The following DCC variants were observed in gnomAD, a reference collection of about 807,000 sequenced individuals.
DCC encodes netrin receptor DCC.
A neutral mutation model predicts 172.5 loss-of-function variants in DCC; 58 were observed. The observed-to-expected ratio is 0.34, with a 90% CI of 0.27 to 0.42. The LOEUF is 0.42. Among genes scored for constraint, DCC ranks in the 10% least tolerant of loss-of-function variants. The pLI is 1.00. For missense variants in DCC, 1,740 were observed against 1,791.0 expected (o/e 0.97, Z 0.51); for synonymous variants, 709 against 644.5 (o/e 1.10, Z -1.52).
chr18:53,108,696 T>C (rs1305378803), intron 7 of DCC, among the ~76,000 whole-genome samples: 1 of 151,750 alleles, frequency 6.6e-6, no homozygotes, highest in Admixed American at 6.6e-5. Context: ...ATGTATATTA[T>C]TTTGTGTCTA....
At chr18:52,897,693 G>T (rs772556483) in intron 2 of DCC, among the ~76,000 whole-genome samples, 1 of 146,296 alleles carries the variant, frequency 6.8e-6, no homozygotes, top group Non-Finnish European at 1.5e-5. Context: ...TTGGTCATGT[G>T]ATTGCTTCTT....
chr18:53,214,947 GA>G lies in DCC; in HGVS notation c.1862-596del, dbSNP rs532021042. On this transcript the variant is annotated intron_variant, in intron 11 of 28. Coordinates refer to ENST00000442544, the MANE Select transcript of DCC (RefSeq NM_005215.4). ...ATACCGTACCTAGAAACTCTACAAAGAAAAATATACTGCTGCTTTGCTAATA... is the reference window on the plus strand; with the variant it reads ...ATACCGTACCTAGAAACTCTACAAAGAAAATATACTGCTGCTTTGCTAATA... Among the ~76,000 whole-genome samples the G allele has an allele frequency of 3.3e-5, 5 of 152,212 alleles. No homozygotes were observed. In the South Asian group the frequency reaches 1.0e-3, roughly 31 times the overall value.
chr18:53,076,475 A>C (rs1449645286), intron 7 of DCC, among the ~76,000 whole-genome samples: 1 of 152,132 alleles, frequency 6.6e-6, no homozygotes, highest in Admixed American at 6.5e-5. Flanking sequence ...CCACCTCTGA[A>C]GGCTTTACTT....
chr18:53,046,129 A>G (rs1279602152), intron 5 of DCC, among the ~76,000 whole-genome samples: 1 of 151,958 alleles, frequency 6.6e-6, no homozygotes, highest in Non-Finnish European at 1.5e-5. Flanking sequence ...ATAGAGTCTC[A>G]AAGCTGGAAT....
intron 1 of DCC, among the ~76,000 whole-genome samples, chr18:52,468,596 A>AAT (rs1988856585): frequency 6.6e-6 from 1 of 152,246 alleles, no homozygotes; most frequent in Non-Finnish European, 1.5e-5. Flanking sequence ...TAATATGTTT[A>AAT]GCAATGTAAA....
chr18:52,948,823 A>ATGT (rs201834215), intron 5 of DCC, among the ~76,000 whole-genome samples: 1 of 152,136 alleles, frequency 6.6e-6, no homozygotes, highest in Non-Finnish European at 1.5e-5. Context: ...CATATGTCAT[A>ATGT]TGTTGTTGTT....
chr18:53,097,807 A>T (rs1278472943), intron 7 of DCC, among the ~76,000 whole-genome samples: 1 of 152,128 alleles, frequency 6.6e-6, no homozygotes, highest in Non-Finnish European at 1.5e-5. Context: ...TTTTGTTTGC[A>T]TACTGAAACA....
intron 7 of DCC, among the ~76,000 whole-genome samples, chr18:53,130,849 G>A (rs2043640692): frequency 6.6e-6 from 1 of 151,934 alleles, no homozygotes; most frequent in Non-Finnish European, 1.5e-5. Context: ...TTCCTGAAAT[G>A]TATTGTTTTT....
At chr18:53,046,996 C>T (rs138260374) in intron 5 of DCC, among the ~76,000 whole-genome samples, 7 of 151,468 alleles carry the variant, frequency 4.6e-5, no homozygotes, top group Admixed American at 2.0e-4. Context: ...AGGTAGAAAA[C>T]ATTCTGTTGT....
intron 5 of DCC, among the ~76,000 whole-genome samples, chr18:53,058,216 T>C (rs1430784178): frequency 6.6e-6 from 1 of 152,166 alleles, no homozygotes; most frequent in African/African-American, 2.4e-5. Context: ...TTAACTATTA[T>C]ATCCTGTTTT....
At chr18:53,113,374 A>G (rs1234219436) in intron 7 of DCC, among the ~76,000 whole-genome samples, 1 of 151,406 alleles carries the variant, frequency 6.6e-6, no homozygotes, top group African/African-American at 2.4e-5. Flanking sequence ...AATGATTGAC[A>G]TGATAATTTA....
chr18:53,028,394 G>C (rs1295743527), intron 5 of DCC, among the ~76,000 whole-genome samples: 3 of 152,074 alleles, frequency 2.0e-5, no homozygotes, highest in Non-Finnish European at 4.4e-5. Flanking sequence ...CAGCTAAACA[G>C]ACTTGCCTCT....
At chr18:52,708,432 ACT>A (rs2036244536) in intron 1 of DCC, among the ~76,000 whole-genome samples, 1 of 94,942 alleles carries the variant, frequency 1.1e-5, no homozygotes, top group Admixed American at 1.3e-4. Flanking sequence ...ATAGAGCGAG[ACT>A]CTGTCTCAAA....
intron 2 of DCC, among the ~76,000 whole-genome samples, chr18:52,803,761 G>C (rs559186832): frequency 1.2e-4 from 19 of 152,226 alleles, no homozygotes; most frequent in African/African-American, 4.3e-4. Flanking sequence ...ATTTGCCTTA[G>C]AGAAACAACA....
intron 1 of DCC, among the ~76,000 whole-genome samples, chr18:52,403,753 T>C (rs541166118): frequency 6.6e-6 from 1 of 151,990 alleles, no homozygotes; most frequent in Non-Finnish European, 1.5e-5. Flanking sequence ...CCCTAAATAA[T>C]GCATTTGCTG....
chr18:53,107,453 C>A (rs1276470053), intron 7 of DCC, among the ~76,000 whole-genome samples: 1 of 147,118 alleles, frequency 6.8e-6, no homozygotes, highest in African/African-American at 2.5e-5. Context: ...CTTTAAATGA[C>A]TATCCTATAG....
Position 53,283,490 on chromosome 18 carries a change from C to T in DCC, c.1912-22088C>T, listed in dbSNP as rs1325912599. Among the ~76,000 whole-genome samples the T allele has an allele frequency of 2.0e-5, 3 of 151,892 alleles. No individual in the cohort carries two copies. The East Asian group carries it at 5.8e-4, about 29-fold the overall frequency. On this transcript the variant is annotated intron_variant, in intron 12 of 28. Coordinates refer to ENST00000442544, the MANE Select transcript of DCC (RefSeq NM_005215.4). ...ATGTATATTATTTTAAATGTGTTTT[C>T]ATAATATTTCAATGTAATTTGGAAA...
At chr18:52,961,028 G>T (rs1266823180) in intron 5 of DCC, among the ~76,000 whole-genome samples, 1 of 151,884 alleles carries the variant, frequency 6.6e-6, no homozygotes, top group Non-Finnish European at 1.5e-5. Context: ...TTAATTGAGG[G>T]AACTTAACGA....
At chr18:53,043,706 A>T (rs1276675319) in intron 5 of DCC, among the ~76,000 whole-genome samples, 2 of 151,982 alleles carry the variant, frequency 1.3e-5, no homozygotes, top group Non-Finnish European at 2.9e-5. Context: ...GAAATGTGAC[A>T]TCACTGAATG....
Sources: gnomAD v4.1 joint callset for allele counts (sites outside exome capture counted in the v4.1 genomes callset) on GRCh38, gnomAD v4.1.1 for gene constraint, MANE v1.5 for transcripts, NCBI Gene and HGNC (gene_info 2026-07-23, HGNC 2026-07-21) for gene names.